MUC7: variants seen among roughly 807,000 people sequenced by gnomAD.
MUC7 encodes mucin 7, secreted.
A neutral mutation model predicts 2.5 loss-of-function variants in MUC7; 2 were observed. The ratio of observed to expected loss-of-function variants is 0.81; its 90% CI spans 0.33 to 2.55. The LOEUF (loss-of-function observed/expected upper bound fraction) is 2.55, where lower values mean the gene tolerates loss of function less well. Among genes scored for constraint, MUC7 ranks in the 30% most tolerant of loss-of-function variants. MUC7 has a pLI of 0.11. For synonymous variants in MUC7, 133 were observed against 173.4 expected, an observed-to-expected ratio of 0.77 and a Z score of 1.83; for missense variants, 408 against 455.6, an observed-to-expected ratio of 0.90 and a Z score of 0.95.
At chr4:70,443,351 C>T (rs903619278) in intron 1 of MUC7, among the ~76,000 whole-genome samples, 15 of 150,652 alleles carry the variant, frequency 1.0e-4, no homozygotes, top group Admixed American at 3.3e-4. Context: ...TCAAATCCTG[C>T]GCTAAAATCT....
chr4:70,431,175 G>A (rs1454157288), intron 1 of MUC7, among the ~76,000 whole-genome samples: 1 of 152,104 alleles, frequency 6.6e-6, no homozygotes, highest in African/African-American at 2.4e-5. Flanking sequence ...CTTTGCCCTA[G>A]ATAAGGTCTT....
intron 1 of MUC7, among the ~76,000 whole-genome samples, chr4:70,465,154 G>A (rs1454756403): frequency 6.6e-6 from 1 of 152,236 alleles, no homozygotes; most frequent in African/African-American, 2.4e-5. Flanking sequence ...CTAGGGCAGA[G>A]GGGCCTGACT....
chr4:70,431,776 C>T (rs907365208), intron 1 of MUC7, among the ~76,000 whole-genome samples: 14 of 151,872 alleles, frequency 9.2e-5, no homozygotes, highest in Non-Finnish European at 1.9e-4. Flanking sequence ...ACTTTAAGTT[C>T]TAGGGTACAT....
In MUC7 at chr4:70,480,839, G is replaced by A. The variant is rs1260604934; in HGVS notation, c.95G>A (p.Arg32Lys). Residue 32 changes from arginine to lysine, a missense_variant, in exon 3 of 3, where the codon AGA becomes AAA. This residue lies in a region of MUC7 where 225 missense variants were observed against 240.5 expected (regional missense o/e 0.94). Coordinates refer to ENST00000304887, the MANE Select transcript of MUC7 (RefSeq NM_152291.3). ...GAAAGGGATCATGAACTACGTCACA[G>A]AAGGCATCATCACCAATCACCCAAA... ...GRERDHELRH[R>K]RHHHQSPKSH... 1 of 1,613,942 alleles carries A rather than the reference G, an allele frequency of 6.2e-7. No individual in the cohort carries two copies. Among genetic ancestry groups the A allele is most frequent in the East Asian group, 2.2e-5 (1 of 44,876 alleles).
intron 1 of MUC7, among the ~76,000 whole-genome samples, chr4:70,433,199 T>C (rs1733726981): frequency 6.6e-6 from 1 of 152,142 alleles, no homozygotes. Flanking sequence ...CTTAGGATTG[T>C]CTGGCTATGG....
intron 2 of MUC7, among the ~76,000 whole-genome samples, chr4:70,476,584 C>T (rs895106778): frequency 3.3e-5 from 5 of 152,120 alleles, no homozygotes; most frequent in African/African-American, 7.2e-5. Context: ...GTCAGGAGTT[C>T]GAGACCAGCC....
At chr4:70,459,985 A>G (rs1734515473) in intron 1 of MUC7, among the ~76,000 whole-genome samples, 1 of 152,234 alleles carries the variant, frequency 6.6e-6, no homozygotes, top group South Asian at 2.1e-4. Flanking sequence ...TCTGTATTAT[A>G]AACTAACAAG....
At chr4:70,469,338 C>T (rs1226917791), upstream of MUC7, among the ~76,000 whole-genome samples, 1 of 152,140 alleles carries the variant, frequency 6.6e-6, no homozygotes, top group African/African-American at 2.4e-5. Flanking sequence ...ATTCAGGACA[C>T]AGGCATGGGC....
chr4:70,434,352 G>A (rs569047554), intron 1 of MUC7, among the ~76,000 whole-genome samples: 88 of 152,114 alleles, frequency 5.8e-4, no homozygotes, highest in South Asian at 3.3e-3. Flanking sequence ...TCTGGTCCTG[G>A]ACTTTTTTTG....
intron 1 of MUC7, among the ~76,000 whole-genome samples, chr4:70,454,686 G>T (rs1196168548): frequency 6.7e-6 from 1 of 149,230 alleles, no homozygotes; most frequent in African/African-American, 2.5e-5. Flanking sequence ...GTCGAATTTG[G>T]TGTTCCTGTT....
chr4:70,475,397 G>C (rs982368292), intron 2 of MUC7, among the ~76,000 whole-genome samples: 5 of 152,128 alleles, frequency 3.3e-5, no homozygotes, highest in Admixed American at 2.6e-4. Context: ...TATGTTGTCT[G>C]GAGTTCAGAA....
rs1030744017 is a variant in MUC7 at position 70,481,771 on chromosome 4, A to G, written c.1027A>G (p.Thr343Ala). ...TTTSVTTQTT[T>A]TKQPTSAPGQ... The stretch of plus-strand genomic sequence containing the variant: ...TACTTCGGTCACTACTCAAACTACT[A>G]CTACTAAACAACCAACTTCAGCTCC... Residue 343 changes from threonine to alanine, a missense_variant, in exon 3 of 3, where the codon ACT (threonine) becomes GCT (alanine). Transcript: ENST00000304887. The G allele has an allele frequency of 2.5e-6, 4 of 1,614,060 alleles. No homozygotes were observed. Among genetic ancestry groups the G allele is most frequent in the African/African-American group, 2.7e-5 (2 of 74,930 alleles).
chr4:70,466,248 T>C (rs1158489674), intron 1 of MUC7, among the ~76,000 whole-genome samples: 1 of 151,964 alleles, frequency 6.6e-6, no homozygotes, highest in Middle Eastern at 3.2e-3. Flanking sequence ...CTATAAGAGC[T>C]CCTGAAGGAA....
chr4:70,434,268 C>T (rs4590109), intron 1 of MUC7, among the ~76,000 whole-genome samples: 113,520 of 152,034 alleles, frequency 0.75, 42,759 homozygotes, highest in Admixed American at 0.82. Flanking sequence ...TCTTTTTCTA[C>T]TGATTGGAAT....
chr4:70,435,779 G>A (rs1487249046), intron 1 of MUC7, among the ~76,000 whole-genome samples: 1 of 152,166 alleles, frequency 6.6e-6, no homozygotes, highest in African/African-American at 2.4e-5. Context: ...ATTAATTGAT[G>A]CAGTTTCTTC....
rs1577919427 is a variant in MUC7 at position 70,481,957 on chromosome 4, C to T, written c.*79C>T. 3 of 1,447,450 alleles carry T rather than the reference C, an allele frequency of 2.1e-6. No individual in the cohort carries two copies. The highest frequency in any genetic ancestry group is 9.3e-7 in the Non-Finnish European group (1 of 1,070,504). The allele number at this position is 1,447,450 out of a possible 1,614,324, so 89.7% of individuals were successfully genotyped here. A position where few individuals can be genotyped will look rare whatever the true frequency, so the allele number is the denominator to read the frequency against. ...CAGAACTACCACCTTTCTTTTAGCACCAATCCCAACATGAAATTATATTAC... is the reference window on the plus strand; with the variant it reads ...CAGAACTACCACCTTTCTTTTAGCATCAATCCCAACATGAAATTATATTAC... On this transcript the variant is annotated 3_prime_UTR_variant, in exon 3 of 3. Transcript: ENST00000304887.
chr4:70,472,873 C>T (rs1734873136), intron 1 of MUC7, among the ~76,000 whole-genome samples: 1 of 152,256 alleles, frequency 6.6e-6, no homozygotes, highest in African/African-American at 2.4e-5. Context: ...ATTACCTGCC[C>T]TAATATGTAA....
chr4:70,470,003 C>T (rs1734789629), upstream of MUC7, among the ~76,000 whole-genome samples: 1 of 152,148 alleles, frequency 6.6e-6, no homozygotes, highest in Non-Finnish European at 1.5e-5. Flanking sequence ...GACTTGGAAC[C>T]AACCCAAATG....
At chr4:70,436,152 A>G (rs1396582956) in intron 1 of MUC7, among the ~76,000 whole-genome samples, 1 of 151,958 alleles carries the variant, frequency 6.6e-6, no homozygotes, top group Non-Finnish European at 1.5e-5. Flanking sequence ...CTTCATTTCA[A>G]CCTTGGTGAA....
Sources: gnomAD v4.1 joint callset for allele counts (sites outside exome capture counted in the v4.1 genomes callset) on GRCh38, gnomAD v4.1.1 for gene constraint, gnomAD v4.1.1 regional missense constraint, MANE v1.5 for transcripts, NCBI Gene and HGNC (gene_info 2026-07-23, HGNC 2026-07-21) for gene names.